The following FLNA variants were observed in gnomAD, a reference collection of about 807,000 sequenced individuals.
FLNA encodes the protein filamin-A.
Under a neutral mutation model 157.6 loss-of-function variants are expected in FLNA, and 7 were observed. The observed-to-expected ratio is 0.04, with a 90% CI of 0.03 to 0.08. FLNA has a LOEUF of 0.08. Ranked by LOEUF, FLNA falls within the 10% of genes least tolerant of loss-of-function variation. FLNA has a pLI of 1.00. For synonymous variants in FLNA, 1,103 were observed against 1,060.8 expected, an observed-to-expected ratio of 1.04 and a Z score of -0.77; for missense variants, 1,750 against 2,398.4, an observed-to-expected ratio of 0.73 and a Z score of 5.65.
At position 154,362,296 on chromosome X, in the gene FLNA, G is replaced by A; in HGVS notation, c.2602C>T (p.Pro868Ser). ...TTCACCTTACTGGCGTCATGAGAGG[G>A]CTCCACCTTGACTCGGATGGGGCTG... is the stretch of plus-strand genomic sequence containing the variant. ...PTSPIRVKVEPSHDASKVKAE... is the reference protein window; with the variant it reads ...PTSPIRVKVESSHDASKVKAE... The change falls in exon 18 of 48, where the codon CCC (proline) becomes TCC (serine). Residue 868 changes from proline to serine, a missense_variant. Pro to Ser is a moderately conservative substitution (Grantham distance 74, BLOSUM62 -1). This residue lies in a region of FLNA where 648 missense variants were observed against 805.8 expected (regional missense o/e 0.80). Transcript: ENST00000369850. 8.3e-7 allele frequency: 1 copy of A among 1,211,482 alleles called. No individual in the cohort carries two copies. The highest frequency in any genetic ancestry group is 1.1e-6 in the Non-Finnish European group (1 of 895,435).
Position 154,349,851 on chromosome X carries a change from G to A in FLNA, c.7350C>T (p.Phe2450=), listed in dbSNP as rs782225826. ...EGGVTGNPAE[F]VVNTSNAGAG... Reference sequence around the variant, plus strand: ...CTCCCGCATTGCTCGTGTTCACGACGAACTCAGCTGGGTTCCCTGGGAGCA... The same window carrying A: ...CTCCCGCATTGCTCGTGTTCACGACAAACTCAGCTGGGTTCCCTGGGAGCA... Residue 2450 remains phenylalanine, a synonymous_variant, in exon 46 of 48, where the codon TTC becomes TTT. Transcript: ENST00000369850. The A allele has an allele frequency of 2.1e-5, 26 of 1,209,353 alleles. No individual in the cohort carries two copies. The highest frequency in any genetic ancestry group is 2.3e-4 in the Middle Eastern group (1 of 4,357).
rs886772884 is a variant in FLNA, at chrX:154,364,741, C to T, written c.1829-22G>A. On this transcript the variant is annotated intron_variant, in intron 12 of 47. Coordinates refer to ENST00000369850, the MANE Select transcript of FLNA (RefSeq NM_001110556.2). ...AAGCCTGACAACAGCCACCAGTCCC[C>T]TCAGTGCCCTGGAGCCTCAGGGTGG... The T allele has an allele frequency of 4.1e-6, 5 of 1,207,730 alleles. No individual in the cohort carries two copies. In the African/African-American group the frequency reaches 7.1e-5, roughly 17 times the overall value.
chrX:154,366,685 C>T (rs369424469), intron 6 of FLNA, 46 bp from the exon 7 acceptor site: 18 of 1,203,814 alleles, frequency 1.5e-5, no homozygotes, highest in East Asian at 3.0e-5. Context: ...AGCAGCCCCA[C>T]TGAAAGGGAG....
At position 154,350,108 on chromosome X, in the gene FLNA, C is replaced by T. The variant is rs1557175437; in HGVS notation, c.7256G>A (p.Arg2419Gln). 5 of 1,211,727 alleles carry T rather than the reference C, an allele frequency of 4.1e-6. No individual in the cohort carries two copies. Among genetic ancestry groups the T allele is most frequent in the South Asian group, 1.8e-5 (1 of 57,042 alleles). Reference protein sequence around the residue: ...THIPGSPFKIRVGEPGHGGDP... With the variant: ...THIPGSPFKIQVGEPGHGGDP... ...CCCTCCATGCCCAGGCTCCCCAACT[C>T]GGATCTTGAAGGGGCTTCCAGGGAT... The change falls in exon 45 of 48, where the codon CGA (arginine) becomes CAA (glutamine). Residue 2419 changes from arginine (R) to glutamine (Q), a missense_variant. By Grantham distance (43) the Arg-to-Gln change is conservative. Coordinates refer to ENST00000369850, the MANE Select transcript of FLNA (RefSeq NM_001110556.2).
chrX:154,365,522 C>G (rs782122386), intron 9 of FLNA, 36 bp from the exon 10 acceptor site: 1 of 1,202,944 alleles, frequency 8.3e-7, no homozygotes, highest in Non-Finnish European at 1.1e-6. Flanking sequence ...ACCAGCAGCT[C>G]GGCTGGGCGA....
At chrX:154,365,753 C>T (rs983750906) in intron 9 of FLNA, among the ~76,000 whole-genome samples, 9 of 110,757 alleles carry the variant, frequency 8.1e-5, no homozygotes, top group African/African-American at 3.0e-4. Flanking sequence ...ACCGTTGACC[C>T]TGTGGGCAGA....
intron 30 of FLNA, among the ~76,000 whole-genome samples, chrX:154,356,174 C>T (rs1490354827): frequency 8.9e-6 from 1 of 112,221 alleles, no homozygotes; most frequent in African/African-American, 3.2e-5. Context: ...CCCCCACTTT[C>T]CCTGCCCGGC....
chrX:154,362,365 A>C (rs990783162), intron 17 of FLNA, 33 bp from the exon 18 acceptor site: 1 of 1,207,926 alleles, frequency 8.3e-7, no homozygotes. Context: ...GCCTTAGAGG[A>C]GGGCAGACGT....
At chrX:154,361,844 C>G in intron 19 of FLNA, 57 bp from the exon 20 acceptor site, 1 of 1,109,424 alleles carries the variant, frequency 9.0e-7, no homozygotes, top group Non-Finnish European at 1.2e-6. Flanking sequence ...TGCTCCCCAA[C>G]CCCCTCCTGG....
In FLNA at chrX:154,359,509, G is replaced by A. The variant is rs1557177507; in HGVS notation, c.4117C>T (p.Pro1373Ser). The change falls in exon 24 of 48, where the codon CCC becomes TCC. Residue 1373 changes from proline (P) to serine (S), a missense_variant. Pro to Ser is a moderately conservative substitution (Grantham distance 74). This residue lies in a region of FLNA where 970 missense variants were observed against 1,302.6 expected (regional missense o/e 0.74). Coordinates refer to ENST00000369850, the MANE Select transcript of FLNA (RefSeq NM_001110556.2). ...PGIQSGTTNK[P>S]NKFTVETRGA... The stretch of plus-strand genomic sequence containing the variant: ...CTGGTCTCCACAGTGAACTTGTTGG[G>A]CTTGTTGGTGGTGCCACTTTGGATG... The A allele has an allele frequency of 8.3e-7, 1 of 1,211,646 alleles. No individual in the cohort carries two copies. The highest frequency in any genetic ancestry group is 1.1e-6 in the Non-Finnish European group (1 of 895,532).
chrX:154,361,051 AAAAAAAAAAAAAAAAAAAAAAAAAAAAAG>A (rs1557177906), intron 21 of FLNA, among the ~76,000 whole-genome samples: 12 of 76,870 alleles, frequency 1.6e-4, no homozygotes, highest in African/African-American at 6.9e-4. Context: ...TTTCTCAAAA[AAAAAAAAAAAAAAAAAAAAAAAAAAAAAG>A]AAAGAAAAAA....
chrX:154,356,756 A>G (rs1191336226), intron 30 of FLNA, among the ~76,000 whole-genome samples: 2 of 112,421 alleles, frequency 1.8e-5, no homozygotes, highest in Admixed American at 9.3e-5. Flanking sequence ...CACTGGCGCT[A>G]CTGCACTACC....
intron 1 of FLNA, 77 bp from the exon 2 acceptor site, chrX:154,371,438 G>A: frequency 2.2e-6 from 1 of 462,681 alleles, no homozygotes; most frequent in Admixed American, 4.2e-5. Flanking sequence ...GAGGGGCCGT[G>A]GGGTGGGGCT....
rs782292045 is a variant in FLNA at position 154,371,221 on chromosome X, C to G, written c.25G>C (p.Gly9Arg). MSSSHSRA[G>R]QSAAGAAPGG... ...GGAGCCGCGCCTGCTGCGCTCTGGC[C>G]CGCCCGAGAGTGGGAGCTACTCATT... is the stretch of plus-strand genomic sequence containing the variant. Residue 9 changes from glycine (G) to arginine (R), a missense_variant, in exon 2 of 48, where the codon GGC becomes CGC. Gly to Arg is a moderately radical substitution (Grantham distance 125). Transcript: ENST00000369850. The G allele has an allele frequency of 1.7e-6, 2 of 1,200,586 alleles. No homozygotes were observed. The highest frequency in any genetic ancestry group is 2.2e-6 in the Non-Finnish European group (2 of 890,898).
rs1279194102 is a variant in FLNA, at chrX:154,358,298, G to A, written c.4656C>T (p.Gly1552=). The stretch of plus-strand genomic sequence containing the variant: ...GCACGCCAGTGGTGTTGAGCCCGGG[G>A]CCACTGGCCTTCACCTTGCTGGCAT... The part of the protein sequence containing the change: ...THDASKVKAS[G]PGLNTTGVPA... The change falls in exon 28 of 48, where the codon GGC becomes GGT. Residue 1552 remains glycine (G), a synonymous_variant. Coordinates refer to ENST00000369850, the MANE Select transcript of FLNA (RefSeq NM_001110556.2). 1.7e-6 allele frequency: 2 copies of A among 1,209,607 alleles called. No individual in the cohort carries two copies. The highest frequency in any genetic ancestry group is 1.7e-5 in the African/African-American group (1 of 57,308).
intron 21 of FLNA, 136 bp downstream of exon 21, chrX:154,361,172 T>A: frequency 1.7e-5 from 9 of 544,972 alleles, no homozygotes; most frequent in Admixed American, 1.6e-4. Context: ...TTAAACAGGG[T>A]CAAGGTTGAC....
chrX:154,359,635 C>G lies in FLNA; in HGVS notation c.3991G>C (p.Val1331Leu). 8.3e-7 allele frequency: 1 copy of G among 1,211,160 alleles called. No homozygotes were observed. Among genetic ancestry groups the G allele is most frequent in the Non-Finnish European group, 1.1e-6 (1 of 895,461 alleles). Residue 1331 changes from valine to leucine, a missense_variant, in exon 24 of 48, where the codon GTG (valine) becomes CTG (leucine). Around this residue, in one of 5 missense-constraint regions of FLNA, gnomAD observed 970 missense variants for 1,302.6 expected, o/e 0.74. Transcript: ENST00000369850. ...GGACTGCCGTCATAGGTCACGTCCACGGAGTGCAGTCCTGGAGGAGTGCAG... is the reference window on the plus strand; with the variant it reads ...GGACTGCCGTCATAGGTCACGTCCAGGGAGTGCAGTCCTGGAGGAGTGCAG... Reference protein sequence around the residue: ...YTPYEEGLHSVDVTYDGSPVP... With the variant: ...YTPYEEGLHSLDVTYDGSPVP...
In FLNA at chrX:154,371,340, G is replaced by C; in HGVS notation, c.-95C>G. On this transcript the variant is annotated 5_prime_UTR_variant, in exon 2 of 48. Transcript: ENST00000369850. ...GCAGGCACCTAGGCGCGCGGGAGGCGAGGCAGGGAGCAGAGGTTGCGCTGC... is the reference window on the plus strand; with the variant it reads ...GCAGGCACCTAGGCGCGCGGGAGGCCAGGCAGGGAGCAGAGGTTGCGCTGC... The C allele has an allele frequency of 2.8e-6, 3 of 1,063,280 alleles. No individual in the cohort carries two copies. Among genetic ancestry groups the C allele is most frequent in the Non-Finnish European group, 3.8e-6 (3 of 790,202 alleles). 87.6% of individuals were successfully genotyped at this position (1,063,280 alleles called of 1,213,427 possible).
At chrX:154,356,981 C>T (rs2067667827) in intron 30 of FLNA, among the ~76,000 whole-genome samples, 1 of 111,830 alleles carries the variant, frequency 8.9e-6, no homozygotes, top group African/African-American at 3.3e-5. Flanking sequence ...TCAGGATGCA[C>T]CTCACCCCAA....
Sources: gnomAD v4.1 joint callset for allele counts (sites outside exome capture counted in the v4.1 genomes callset) on GRCh38, gnomAD v4.1.1 for gene constraint, gnomAD v4.1.1 regional missense constraint, MANE v1.5 for transcripts, NCBI Gene and HGNC (gene_info 2026-07-23, HGNC 2026-07-21) for gene names.